PEX11B: variants seen among roughly 807,000 people sequenced by gnomAD.
PEX11B encodes the protein peroxisomal biogenesis factor 11 beta, also known as peroxisomal membrane protein 11B.
PEX11B carries 18 observed loss-of-function variants against 28.2 expected under a neutral mutation model. The ratio of observed to expected loss-of-function variants is 0.64; its 90% confidence interval spans 0.44 to 0.95. The LOEUF (loss-of-function observed/expected upper bound fraction) is 0.95, where lower values mean the gene tolerates loss of function less well. Among genes scored for constraint, PEX11B ranks in the 40% least tolerant of loss-of-function variants. PEX11B has a pLI of 0.00. For synonymous variants in PEX11B, 128 were observed against 128.7 expected (o/e 0.99, Z 0.04); for missense variants, 305 against 319.8 (o/e 0.95, Z 0.35).
rs782329538 is a variant in PEX11B at position 145,917,066 on chromosome 1, A to T, written c.173-48T>A. On this transcript the variant is annotated intron_variant, in intron 2 of 3. Coordinates refer to ENST00000369306, the MANE Select transcript of PEX11B (RefSeq NM_003846.3). Reference sequence around the variant, plus strand: ...AGCAAGGATTTGTAAGTGGAGAGGCAGATAACAAGAAACAGAAACAGAGAA... The same window carrying T: ...AGCAAGGATTTGTAAGTGGAGAGGCTGATAACAAGAAACAGAAACAGAGAA... The T allele has an allele frequency of 2.1e-5, 25 of 1,206,068 alleles. No individual in the cohort carries two copies. In the South Asian group the frequency reaches 2.9e-4, roughly 14 times the overall value. The allele number at this position is 1,206,068 out of a possible 1,614,324, so 74.7% of individuals were successfully genotyped here. A position where few individuals can be genotyped will look rare whatever the true frequency, so the allele number is the denominator to read the frequency against.
Position 145,912,416 on chromosome 1 carries a change from TC to T in PEX11B, c.524del (p.Gly175AspfsTer14). The part of the protein sequence containing the change: ...PGGSETGGLG[G>X]PGTPGGGLPQ... ...GCAGACCTCCTCCTGGAGTCCCTGGTCCCCCAAGTCCCCCAGTTTCACTTCC... is the reference window on the plus strand; with the variant it reads ...GCAGACCTCCTCCTGGAGTCCCTGGTCCCCAAGTCCCCCAGTTTCACTTCC... On this transcript the variant is annotated frameshift_variant, in exon 4 of 4. Transcript: ENST00000369306. LOFTEE classifies it high-confidence loss of function. 6.3e-7 allele frequency: 1 copy of T among 1,578,694 alleles called. No homozygotes were observed. The highest frequency in any genetic ancestry group is 8.6e-7 in the Non-Finnish European group (1 of 1,161,634).
chr1:145,917,943 C>T, intron 1 of PEX11B, 127 bp from the exon 2 acceptor site: 1 of 1,411,282 alleles, frequency 7.1e-7, no homozygotes, highest in Non-Finnish European at 9.4e-7. Context: ...CTCCTCCATG[C>T]CCATATCTCA....
In PEX11B at chr1:145,912,332, A is replaced by G; in HGVS notation, c.609T>C (p.Gly203=). The change falls in exon 4 of 4, where the codon GGT becomes GGC. Residue 203 remains glycine, a synonymous_variant. Coordinates refer to ENST00000369306, the MANE Select transcript of PEX11B (RefSeq NM_003846.3). ...CCACGTCTAGCAGAAGTGGGGGATGACCTCTAAGGACTCGAGCCAGGAGCA... is the reference window on the plus strand; with the variant it reads ...CCACGTCTAGCAGAAGTGGGGGATGGCCTCTAAGGACTCGAGCCAGGAGCA... The part of the protein sequence containing the change: ...QVLLLARVLR[G]HPPLLLDVVR... 6.2e-7 allele frequency: 1 copy of G among 1,613,884 alleles called. No individual in the cohort carries two copies. The highest frequency in any genetic ancestry group is 8.5e-7 in the Non-Finnish European group (1 of 1,179,930).
intron 3 of PEX11B, among the ~76,000 whole-genome samples, chr1:145,913,758 G>C (rs782765511): frequency 2.0e-5 from 3 of 152,148 alleles, no homozygotes; most frequent in Admixed American, 6.5e-5. Flanking sequence ...TAGAGGCCCA[G>C]AGGTTTAAGT....
At chr1:145,914,255 T>C (rs1222504412) in intron 3 of PEX11B, among the ~76,000 whole-genome samples, 2 of 151,614 alleles carry the variant, frequency 1.3e-5, no homozygotes, top group Non-Finnish European at 2.9e-5. Context: ...GTGCCTGTAA[T>C]CCCAGCTACT....
At chr1:145,916,499 G>A (rs193267734) in intron 3 of PEX11B, among the ~76,000 whole-genome samples, 8 of 152,296 alleles carry the variant, frequency 5.3e-5, no homozygotes, top group Admixed American at 5.2e-4. Context: ...GCCACAGTAA[G>A]CATCTAATAA....
intron 1 of PEX11B, 136 bp downstream of exon 1, chr1:145,918,497 T>C: frequency 6.5e-7 from 1 of 1,537,788 alleles, no homozygotes; most frequent in Middle Eastern, 1.7e-4. Context: ...AATCTGCGCC[T>C]CACGGTCCGT....
intron 1 of PEX11B, 96 bp downstream of exon 1, chr1:145,918,537 C>T: frequency 6.5e-7 from 1 of 1,544,562 alleles, no homozygotes; most frequent in Non-Finnish European, 8.7e-7. Flanking sequence ...GTTGACCCTT[C>T]TTGACCCCCC....
chr1:145,918,668 G>A lies in PEX11B; in HGVS notation c.21C>T (p.Phe7=), dbSNP rs1553754386. ...GCTCCCGGGCTTGGCTCTGAGCACTGAAGCGGACCCAGGCGTCCATGACAG... is the reference window on the plus strand; with the variant it reads ...GCTCCCGGGCTTGGCTCTGAGCACTAAAGCGGACCCAGGCGTCCATGACAG... MDAWVR[F]SAQSQARERL... Residue 7 remains phenylalanine (F), a synonymous_variant, in exon 1 of 4, where the codon TTC becomes TTT. Transcript: ENST00000369306. The A allele has an allele frequency of 1.9e-6, 3 of 1,583,872 alleles. No homozygotes were observed. Among genetic ancestry groups the A allele is most frequent in the Admixed American group, 1.8e-5 (1 of 54,184 alleles).
Position 145,917,682 on chromosome 1 carries a change from G to T in PEX11B, c.172+19C>A. ...TGGAGGAAAGGTTGGGGGATAAAAG[G>T]AAAGACAGAGTTACTTACGCTTTCT... On this transcript the variant is annotated intron_variant, in intron 2 of 3. Coordinates refer to ENST00000369306, the MANE Select transcript of PEX11B (RefSeq NM_003846.3). 7.3e-7 allele frequency: 1 copy of T among 1,375,660 alleles called. No individual in the cohort carries two copies. The highest frequency in any genetic ancestry group is 1.0e-6 in the Non-Finnish European group (1 of 962,306). The allele number at this position is 1,375,660 out of a possible 1,614,324, so 85.2% of individuals were successfully genotyped here.
intron 1 of PEX11B, chr1:145,918,377 C>T: frequency 6.5e-7 from 1 of 1,534,618 alleles, no homozygotes; most frequent in Non-Finnish European, 8.7e-7. Flanking sequence ...AGGACACTGT[C>T]GGTCTTATGT....
chr1:145,917,887 G>A, intron 1 of PEX11B, 71 bp from the exon 2 acceptor site: 1 of 1,426,352 alleles, frequency 7.0e-7, no homozygotes, highest in Non-Finnish European at 9.7e-7. Flanking sequence ...CTTCCAAAAG[G>A]CACAGACAGA....
intron 2 of PEX11B, 107 bp downstream of exon 2, chr1:145,917,594 C>T (rs782313435): frequency 5.6e-6 from 4 of 718,282 alleles, no homozygotes; most frequent in South Asian, 3.3e-5. Flanking sequence ...AAGTGCAGAG[C>T]CAAATGAGAA....
Position 145,917,565 on chromosome 1 carries a change from C to T in PEX11B, c.172+136G>A, listed in dbSNP as rs1468484369. 4 of 647,838 alleles carry T rather than the reference C, an allele frequency of 6.2e-6. No homozygotes were observed. In the African/African-American group the frequency reaches 7.2e-5, roughly 12 times the overall value. 40.1% of individuals were successfully genotyped at this position (647,838 alleles called of 1,614,324 possible). ...CCATACCCCTGCTCTCTTATCTCAACTGGACTCATGCAGAGGGTAAGTGCA... is the reference window on the plus strand; with the variant it reads ...CCATACCCCTGCTCTCTTATCTCAATTGGACTCATGCAGAGGGTAAGTGCA... On this transcript the variant is annotated intron_variant, in intron 2 of 3. Coordinates refer to ENST00000369306, the MANE Select transcript of PEX11B (RefSeq NM_003846.3).
rs1553754355 is a variant in PEX11B at position 145,918,609 on chromosome 1, C to T, written c.56+24G>A. The T allele has an allele frequency of 2.5e-6, 4 of 1,588,054 alleles. No homozygotes were observed. The African/African-American group carries it at 4.0e-5, about 16-fold the overall frequency. On this transcript the variant is annotated intron_variant, in intron 1 of 3. Coordinates refer to ENST00000369306, the MANE Select transcript of PEX11B (RefSeq NM_003846.3). ...CTCTGTCCATCCCTCCCCCGCCCCA[C>T]CCCCATTCCTATTCGGGCCGCACCT... is the stretch of plus-strand genomic sequence containing the variant.
At position 145,912,254 on chromosome 1, in the gene PEX11B, G is replaced by A. The variant is rs1290105337; in HGVS notation, c.687C>T (p.Arg229=). Residue 229 remains arginine, a synonymous_variant, in exon 4 of 4, where the codon CGC becomes CGT. Coordinates refer to ENST00000369306, the MANE Select transcript of PEX11B (RefSeq NM_003846.3). ...FIPLDKLGLW[R]CGPGIVGLCG... ...AAAGCCCCACAATCCCAGGGCCACA[G>A]CGCCAGAGGCCTAGTTTGTCCAGAG... 3 of 1,613,974 alleles carry A rather than the reference G, an allele frequency of 1.9e-6. No individual in the cohort carries two copies. In the African/African-American group the frequency reaches 4.0e-5, roughly 22 times the overall value.
In PEX11B at chr1:145,912,533, G is replaced by A; in HGVS notation, c.408C>T (p.Ser136=). 1 of 1,490,204 alleles carries A rather than the reference G, an allele frequency of 6.7e-7. No homozygotes were observed. The highest frequency in any genetic ancestry group is 2.3e-5 in the East Asian group (1 of 43,032). The allele number at this position is 1,490,204 out of a possible 1,614,324, so 92.3% of individuals were successfully genotyped here. The change falls in exon 4 of 4, where the codon AGC becomes AGT. Residue 136 remains serine, a synonymous_variant. Coordinates refer to ENST00000369306, the MANE Select transcript of PEX11B (RefSeq NM_003846.3). ...YYLFSLIMNL[S]RDAYEIRLLM... ...GTAGGCGAATCTCATAAGCATCACG[G>A]CTCAAATTCATGATGAGGGAAAACA...
chr1:145,912,917 G>A (rs782367229), intron 3 of PEX11B, among the ~76,000 whole-genome samples: 4 of 151,942 alleles, frequency 2.6e-5, no homozygotes, highest in African/African-American at 4.8e-5. Context: ...GTGAAACCCC[G>A]TCCCTACTAA....
In PEX11B at chr1:145,911,938, A is replaced by C; in HGVS notation, c.*223T>G. On this transcript the variant is annotated 3_prime_UTR_variant, in exon 4 of 4. Coordinates refer to ENST00000369306, the MANE Select transcript of PEX11B (RefSeq NM_003846.3). Reference sequence around the variant, plus strand: ...TTCAAGAGAGACACAAAGAAAGAGGAAAAGAACAGAAGCTCAGGCACATCT... The same window carrying C: ...TTCAAGAGAGACACAAAGAAAGAGGCAAAGAACAGAAGCTCAGGCACATCT... 1 of 396,792 alleles carries C rather than the reference A, an allele frequency of 2.5e-6. No homozygotes were observed. Among genetic ancestry groups the C allele is most frequent in the Admixed American group, 4.3e-5 (1 of 23,218 alleles). The allele number at this position is 396,792 out of a possible 1,614,324, so 24.6% of individuals were successfully genotyped here.
Sources: gnomAD v4.1 joint callset for allele counts (sites outside exome capture counted in the v4.1 genomes callset) on GRCh38, gnomAD v4.1.1 for gene constraint, MANE v1.5 for transcripts, NCBI Gene and HGNC (gene_info 2026-07-23, HGNC 2026-07-21) for gene names.